Variants in SGCZ observed in about 807,000 individuals in gnomAD.
SGCZ encodes sarcoglycan zeta, also known as zeta-sarcoglycan.
SGCZ carries 40 observed loss-of-function variants against 41.3 expected under a neutral mutation model. The observed-to-expected ratio is 0.97, with a 90% CI of 0.75 to 1.26. SGCZ has a LOEUF of 1.26. SGCZ is among the 50% of genes most tolerant of loss of function. The pLI is 0.00. For missense variants in SGCZ, 552 were observed against 369.8 expected, an observed-to-expected ratio of 1.49 and a Z score of -4.04; for synonymous variants, 206 against 137.5, an observed-to-expected ratio of 1.50 and a Z score of -3.49.
rs1425641222 is a variant in SGCZ, at chr8:14,519,459, A to G, written c.234+35273T>C. ...TAACTCTCTACTTTTAATAAGATAA[A>G]CTATAATATAATGTCTTATGAACAT... On this transcript the variant is annotated intron_variant, in intron 2 of 7. Transcript: ENST00000382080. Among the ~76,000 whole-genome samples, 3 of 152,284 alleles carry G rather than the reference A, an allele frequency of 2.0e-5. 1 individual carries two copies. The East Asian group carries it at 5.8e-4, about 29-fold the overall frequency.
intron 3 of SGCZ, among the ~76,000 whole-genome samples, chr8:14,293,265 A>T (rs2116950703): frequency 6.6e-6 from 1 of 152,176 alleles, no homozygotes; most frequent in African/African-American, 2.4e-5. Flanking sequence ...TGTAAGAATG[A>T]ATGTATTCAA....
intron 1 of SGCZ, among the ~76,000 whole-genome samples, chr8:14,692,197 T>A (rs1271762965): frequency 6.6e-6 from 1 of 152,058 alleles, no homozygotes; most frequent in Non-Finnish European, 1.5e-5. Context: ...ATAAAAATGA[T>A]TAATTTTTAA....
At chr8:14,795,770 C>A (rs906931790) in intron 1 of SGCZ, among the ~76,000 whole-genome samples, 1 of 151,898 alleles carries the variant, frequency 6.6e-6, no homozygotes, top group Admixed American at 6.6e-5. Context: ...ATTTTATCAC[C>A]CAGGTTTTAA....
intron 1 of SGCZ, among the ~76,000 whole-genome samples, chr8:15,188,879 G>A (rs1271511494): frequency 6.6e-6 from 1 of 152,016 alleles, no homozygotes; most frequent in Non-Finnish European, 1.5e-5. Flanking sequence ...GGAAAAGAGT[G>A]TGGGAGGAAA....
chr8:15,108,652 T>C (rs73525061), intron 1 of SGCZ, among the ~76,000 whole-genome samples: 5,285 of 152,260 alleles, frequency 0.035, 300 homozygotes, highest in African/African-American at 0.12. Context: ...GCTACGCATA[T>C]GGTGTGTGTG....
chr8:14,794,132 T>C (rs1801047072), intron 1 of SGCZ, among the ~76,000 whole-genome samples: 1 of 152,170 alleles, frequency 6.6e-6, no homozygotes, highest in Non-Finnish European at 1.5e-5. Context: ...TCAACTCCTA[T>C]AATTTGAGCT....
chr8:14,312,422 G>T (rs569584551), intron 3 of SGCZ, among the ~76,000 whole-genome samples: 3 of 152,050 alleles, frequency 2.0e-5, no homozygotes, highest in Non-Finnish European at 4.4e-5. Flanking sequence ...GTGATTTTCG[G>T]GTAGTGAAAG....
At chr8:14,919,297 TG>T (rs1799523260) in intron 1 of SGCZ, among the ~76,000 whole-genome samples, 1 of 151,878 alleles carries the variant, frequency 6.6e-6, no homozygotes, top group African/African-American at 2.4e-5. Context: ...AGAAATTAGC[TG>T]GGTGTCGTGG....
intron 2 of SGCZ, among the ~76,000 whole-genome samples, chr8:14,505,566 ATCTTTC>A (rs1181113843): frequency 6.6e-6 from 1 of 152,130 alleles, no homozygotes; most frequent in Non-Finnish European, 1.5e-5. Context: ...TCAGCTTTGT[ATCTTTC>A]TAGGTTTTCT....
chr8:14,478,137 A>G (rs1373378212), intron 2 of SGCZ, among the ~76,000 whole-genome samples: 2 of 152,220 alleles, frequency 1.3e-5, no homozygotes, highest in Non-Finnish European at 2.9e-5. Context: ...GTTTGGCAGC[A>G]TTTTTACAAA....
At chr8:14,254,856 T>C (rs1799406625) in intron 3 of SGCZ, among the ~76,000 whole-genome samples, 2 of 152,166 alleles carry the variant, frequency 1.3e-5, no homozygotes, top group Non-Finnish European at 2.9e-5. Context: ...TCTGTATTCA[T>C]TTATATTCAC....
At chr8:14,286,198 C>A (rs980059554) in intron 3 of SGCZ, among the ~76,000 whole-genome samples, 1 of 152,046 alleles carries the variant, frequency 6.6e-6, no homozygotes, top group East Asian at 1.9e-4. Context: ...TATGGGATAC[C>A]AAAGTGCTCT....
intron 1 of SGCZ, among the ~76,000 whole-genome samples, chr8:14,573,187 G>A (rs1205374631): frequency 5.7e-5 from 7 of 123,320 alleles, no homozygotes; most frequent in Admixed American, 5.1e-4. Context: ...TTCTTAGCAA[G>A]TCTTTTTTTT....
At chr8:14,507,890 G>C (rs548087122) in intron 2 of SGCZ, among the ~76,000 whole-genome samples, 26 of 151,644 alleles carry the variant, frequency 1.7e-4, no homozygotes, top group Non-Finnish European at 3.5e-4. Context: ...TCCTGCCTCA[G>C]CCTTTCTGGT....
intron 4 of SGCZ, among the ~76,000 whole-genome samples, chr8:14,230,658 T>C (rs773015586): frequency 7.2e-5 from 11 of 152,120 alleles, no homozygotes; most frequent in Non-Finnish European, 1.3e-4. Flanking sequence ...CATCATATGA[T>C]TGTCCCCACA....
At chr8:14,542,646 G>C (rs1393951451) in intron 2 of SGCZ, among the ~76,000 whole-genome samples, 1 of 152,006 alleles carries the variant, frequency 6.6e-6, no homozygotes, top group Non-Finnish European at 1.5e-5. Flanking sequence ...AACCAAATTG[G>C]TGTTCCTGGC....
intron 1 of SGCZ, among the ~76,000 whole-genome samples, chr8:14,692,973 A>T (rs1808846132): frequency 6.6e-6 from 1 of 152,200 alleles, no homozygotes; most frequent in African/African-American, 2.4e-5. Context: ...GATTACTGAA[A>T]ATATTTTCAG....
intron 1 of SGCZ, among the ~76,000 whole-genome samples, chr8:14,637,238 C>A (rs1369468445): frequency 1.3e-5 from 2 of 151,900 alleles, no homozygotes; most frequent in East Asian, 1.9e-4. Context: ...CCCTGTCAAC[C>A]AAACACTCTA....
intron 2 of SGCZ, among the ~76,000 whole-genome samples, chr8:14,446,820 A>G (rs1478100435): frequency 1.3e-5 from 2 of 152,200 alleles, no homozygotes; most frequent in Admixed American, 1.3e-4. Context: ...ACGTATATGG[A>G]CCATTATAGT....
Sources: allele counts gnomAD v4.1 joint callset (sites outside exome capture counted in the v4.1 genomes callset), GRCh38; gene constraint gnomAD v4.1.1; transcripts MANE v1.5; gene names NCBI Gene and HGNC (gene_info 2026-07-23, HGNC 2026-07-21).